The following STIMATE variants were observed in gnomAD, a reference collection of about 807,000 sequenced individuals.
The protein encoded by STIMATE is STIM activating enhancer.
Under a neutral mutation model 36.7 loss-of-function variants are expected in STIMATE, and 15 were observed. The observed-to-expected ratio is 0.41, with a 90% CI of 0.27 to 0.63. STIMATE has a LOEUF of 0.63. Among genes scored for constraint, STIMATE ranks in the 20% least tolerant of loss-of-function variants. The pLI is 0.32. For missense variants in STIMATE, 305 were observed against 397.3 expected, an observed-to-expected ratio of 0.77 and a Z score of 1.98; for synonymous variants, 163 against 162.3, an observed-to-expected ratio of 1.00 and a Z score of -0.03.
At chr3:52,865,068 T>G (rs1369689855) in intron 1 of STIMATE, among the ~76,000 whole-genome samples, 2 of 151,986 alleles carry the variant, frequency 1.3e-5, no homozygotes, top group Non-Finnish European at 2.9e-5. Context: ...TGCCTCAGCC[T>G]CCTGAGTAGC....
At chr3:52,879,316 C>A (rs1701563428) in intron 1 of STIMATE, among the ~76,000 whole-genome samples, 1 of 152,176 alleles carries the variant, frequency 6.6e-6, no homozygotes, top group Admixed American at 6.5e-5. Flanking sequence ...CAGCCTTTGA[C>A]CACCAGGAGG....
intron 1 of STIMATE, among the ~76,000 whole-genome samples, chr3:52,887,213 C>T (rs1332899111): frequency 6.6e-6 from 1 of 152,216 alleles, no homozygotes; most frequent in Non-Finnish European, 1.5e-5. Flanking sequence ...ACACCTGTGT[C>T]CTTAGAAAAT....
In STIMATE at chr3:52,843,790, C is replaced by T; in HGVS notation, c.549G>A (p.Leu183=). 6 of 1,613,766 alleles carry T rather than the reference C, an allele frequency of 3.7e-6. No individual in the cohort carries two copies. The highest frequency in any genetic ancestry group is 5.1e-6 in the Non-Finnish European group (6 of 1,179,992). Residue 183 remains leucine (L), a synonymous_variant, in exon 6 of 8, where the codon CTG becomes CTA. Coordinates refer to ENST00000355083, the MANE Select transcript of STIMATE (RefSeq NM_198563.5). ...AGTCTGGGTTTTCAATGGGATTCAA[C>T]AGGGCCACCTGTAAAGAGAAGCAGA... The part of the protein sequence containing the change: ...LLILQWKKVA[L]LNPIENPDLK...
rs144578418 is a variant in STIMATE, at chr3:52,895,632, T to C, written c.160+1659A>G. 4.9e-4 allele frequency among the ~76,000 whole-genome samples: 74 copies of C among 152,330 alleles called. 1 individual carries two copies. The highest frequency in any genetic ancestry group is 7.1e-4 in the Non-Finnish European group (48 of 68,026). ...TCCACTCAGAACACATTCAACCCGA[T>C]ACACTTCTCAGCTGTGAGCAACTCT... On this transcript the variant is annotated intron_variant, in intron 1 of 7. Coordinates refer to ENST00000355083, the MANE Select transcript of STIMATE (RefSeq NM_198563.5).
chr3:52,885,561 C>T (rs1559499103), intron 1 of STIMATE, among the ~76,000 whole-genome samples: 1 of 152,218 alleles, frequency 6.6e-6, no homozygotes. Context: ...GTTCCACTTA[C>T]AGTTCTCCAG....
intron 1 of STIMATE, among the ~76,000 whole-genome samples, chr3:52,886,162 T>C (rs567289401): frequency 6.6e-6 from 1 of 152,190 alleles, no homozygotes; most frequent in South Asian, 2.1e-4. Context: ...AGGCTCTCAG[T>C]CAAAAAAACC....
At chr3:52,845,113 C>T (rs1700871836) in intron 4 of STIMATE, among the ~76,000 whole-genome samples, 172 bp from the exon 5 acceptor site, 1 of 152,114 alleles carries the variant, frequency 6.6e-6, no homozygotes, top group Admixed American at 6.5e-5. Context: ...CAGACAAATG[C>T]AGTATTTTAA....
intron 4 of STIMATE, among the ~76,000 whole-genome samples, chr3:52,849,165 T>A (rs1309366946): frequency 6.6e-6 from 1 of 152,210 alleles, no homozygotes; most frequent in African/African-American, 2.4e-5. Flanking sequence ...GCTCCACTGA[T>A]ACTGATCCAC....
chr3:52,875,010 G>T (rs984543366), intron 1 of STIMATE, among the ~76,000 whole-genome samples: 1 of 152,168 alleles, frequency 6.6e-6, no homozygotes, highest in Non-Finnish European at 1.5e-5. Flanking sequence ...CAGAACTCAC[G>T]AGAGACGGAA....
chr3:52,843,730 G>A lies in STIMATE; in HGVS notation c.609C>T (p.Phe203=), dbSNP rs766268091. The change falls in exon 6 of 8, where the codon TTC becomes TTT. Residue 203 remains phenylalanine, a synonymous_variant. Transcript: ENST00000355083. ...GCAACATGGCACTGACGTTGACAAA[G>A]AAGGGGACGATCAGCATGACGATGG... The part of the protein sequence containing the change: ...KLAIVMLIVP[F]FVNALMFWVV... 4 of 1,613,984 alleles carry A rather than the reference G, an allele frequency of 2.5e-6. No individual in the cohort carries two copies. Among genetic ancestry groups the A allele is most frequent in the South Asian group, 1.1e-5 (1 of 91,060 alleles).
At chr3:52,852,242 G>A (rs1701013858) in intron 3 of STIMATE, among the ~76,000 whole-genome samples, 1 of 152,234 alleles carries the variant, frequency 6.6e-6, no homozygotes, top group South Asian at 2.1e-4. Context: ...AGAAGCCCTG[G>A]TGTGTCCTGG....
chr3:52,844,924 C>T lies in STIMATE; in HGVS notation c.445G>A (p.Gly149Arg), dbSNP rs938915825. The T allele has an allele frequency of 1.9e-6, 3 of 1,613,952 alleles. No homozygotes were observed. The highest frequency in any genetic ancestry group is 1.7e-6 in the Non-Finnish European group (2 of 1,179,942). ...FGEYGDPLQCGAWVGQCALYI... is the reference protein window; with the variant it reads ...FGEYGDPLQCRAWVGQCALYI... ...AGAGCGCACTGCCCGACCCAGGCTCCACACTGCAGAGGGTCTCCTGCAGGG... is the reference window on the plus strand; with the variant it reads ...AGAGCGCACTGCCCGACCCAGGCTCTACACTGCAGAGGGTCTCCTGCAGGG... The change falls in exon 5 of 8, where the codon GGA (glycine) becomes AGA (arginine). Residue 149 changes from glycine to arginine, a missense_variant. Transcript: ENST00000355083.
intron 1 of STIMATE, among the ~76,000 whole-genome samples, chr3:52,889,175 C>T (rs1160726690): frequency 6.6e-6 from 1 of 152,220 alleles, no homozygotes; most frequent in Non-Finnish European, 1.5e-5. Flanking sequence ...ACTAAGGCGA[C>T]TTCGATGCAT....
chr3:52,846,349 T>C (rs1432702793), intron 4 of STIMATE: 1 of 152,250 alleles, frequency 6.6e-6, no homozygotes, highest in East Asian at 1.9e-4. Flanking sequence ...CACCTAACCT[T>C]ATCGAGAACA....
At chr3:52,873,153 C>T (rs892620220) in intron 1 of STIMATE, among the ~76,000 whole-genome samples, 5 of 152,176 alleles carry the variant, frequency 3.3e-5, no homozygotes, top group African/African-American at 1.2e-4. Context: ...AATAAATATG[C>T]TAAATTCTCT....
intron 2 of STIMATE, among the ~76,000 whole-genome samples, chr3:52,853,566 G>C (rs1157791407): frequency 6.6e-6 from 1 of 152,184 alleles, no homozygotes; most frequent in Non-Finnish European, 1.5e-5. Context: ...AGCGACGGTG[G>C]CTGGAAAATC....
chr3:52,882,808 G>A (rs1351295245), intron 1 of STIMATE, among the ~76,000 whole-genome samples: 1 of 152,160 alleles, frequency 6.6e-6, no homozygotes, highest in African/African-American at 2.4e-5. Context: ...ATGCCACGGA[G>A]GGGTATGAAG....
intron 1 of STIMATE, among the ~76,000 whole-genome samples, chr3:52,888,520 C>T (rs1363605960): frequency 1.3e-5 from 2 of 152,206 alleles, no homozygotes; most frequent in African/African-American, 2.4e-5. Flanking sequence ...CGGCATGCAC[C>T]GTGTGGCTGT....
chr3:52,888,374 C>T (rs1243711978), intron 1 of STIMATE, among the ~76,000 whole-genome samples: 1 of 152,208 alleles, frequency 6.6e-6, no homozygotes, highest in Admixed American at 6.5e-5. Context: ...AGACTGGATG[C>T]ACATAAACTG....
Sources: allele counts gnomAD v4.1 joint callset (sites outside exome capture counted in the v4.1 genomes callset), GRCh38; gene constraint gnomAD v4.1.1; transcripts MANE v1.5; gene names NCBI Gene and HGNC (gene_info 2026-07-23, HGNC 2026-07-21).